C2orf74: variants seen among roughly 807,000 people sequenced by gnomAD.
C2orf74 encodes the protein uncharacterized protein C2orf74.
Under a neutral mutation model 17.9 loss-of-function variants are expected in C2orf74, and 14 were observed. The observed-to-expected ratio is 0.78, with a 90% CI of 0.52 to 1.22. The LOEUF (loss-of-function observed/expected upper bound fraction) is 1.22, where lower values mean the gene tolerates loss of function less well. C2orf74 is among the 50% of genes most tolerant of loss of function. The pLI is 0.00. For missense variants in C2orf74, 217 were observed against 218.4 expected, an observed-to-expected ratio of 0.99 and a Z score of 0.04; for synonymous variants, 79 against 72.6, an observed-to-expected ratio of 1.09 and a Z score of -0.44.
chr2:61,158,618 G>A (rs924305139), upstream of C2orf74, among the ~76,000 whole-genome samples: 2 of 152,182 alleles, frequency 1.3e-5, no homozygotes, highest in African/African-American at 2.4e-5. Flanking sequence ...GAGGTGAACA[G>A]GAGATGAAGG....
chr2:61,156,271 C>G (rs2103627974), intron 1 of C2orf74, among the ~76,000 whole-genome samples: 1 of 152,094 alleles, frequency 6.6e-6, no homozygotes, highest in East Asian at 1.9e-4. Context: ...GGTTCTGTGG[C>G]TCATGCCTAT....
upstream of C2orf74, chr2:61,162,152 G>C: frequency 4.3e-6 from 1 of 231,716 alleles, no homozygotes; most frequent in Non-Finnish European, 8.5e-6. Context: ...ACTGACGAGA[G>C]AAGAATGGGG....
At chr2:61,155,396 C>T (rs1023913685) in intron 1 of C2orf74, among the ~76,000 whole-genome samples, 1 of 152,166 alleles carries the variant, frequency 6.6e-6, no homozygotes, top group Non-Finnish European at 1.5e-5. Context: ...CTCACCTCCA[C>T]ATCCCCCCAA....
chr2:61,159,722 T>C (rs530223373), upstream of C2orf74, among the ~76,000 whole-genome samples: 2 of 152,358 alleles, frequency 1.3e-5, no homozygotes, highest in East Asian at 3.9e-4. Context: ...TATGTGCTGG[T>C]GGTTTTGGTT....
chr2:61,157,557 C>A (rs1685428618), upstream of C2orf74, among the ~76,000 whole-genome samples: 1 of 152,178 alleles, frequency 6.6e-6, no homozygotes, highest in Non-Finnish European at 1.5e-5. Context: ...AGTCCAGCTT[C>A]CTGTCCACAC....
intron 1 of C2orf74, among the ~76,000 whole-genome samples, chr2:61,147,258 A>G (rs1685099782): frequency 6.6e-6 from 1 of 150,572 alleles, no homozygotes; most frequent in African/African-American, 2.4e-5. Flanking sequence ...TCTGTTGCCG[A>G]GACTGCACAA....
At chr2:61,162,384 A>T (rs1329466974) in intron 1 of C2orf74, 32 bp from the exon 2 acceptor site, 1 of 711,834 alleles carries the variant, frequency 1.4e-6, no homozygotes, top group Non-Finnish European at 2.4e-6. Flanking sequence ...AAGAACAACA[A>T]AGAAAACAGC....
chr2:61,149,869 G>A lies in C2orf74; in HGVS notation c.-122+4673G>A, dbSNP rs552848708. 3.3e-5 allele frequency among the ~76,000 whole-genome samples: 5 copies of A among 152,210 alleles called. No individual in the cohort carries two copies. The East Asian group carries it at 9.7e-4, about 29-fold the overall frequency. On this transcript the variant is annotated intron_variant, in intron 1 of 3. Coordinates refer to the C2orf74 transcript ENST00000426997. ...GCTGGGATTACAAGCATGAGCCACC[G>A]CACGTAGATGATACCGGGTTTCTTG...
At chr2:61,145,509 C>T (rs1685042086) in intron 1 of C2orf74, among the ~76,000 whole-genome samples, 1 of 152,108 alleles carries the variant, frequency 6.6e-6, no homozygotes, top group South Asian at 2.1e-4. Flanking sequence ...CTGCACCCTC[C>T]GCTGCCCGGG....
intron 1 of C2orf74, among the ~76,000 whole-genome samples, chr2:61,147,799 G>T (rs1178343595): frequency 1.3e-5 from 2 of 151,934 alleles, no homozygotes; most frequent in African/African-American, 2.4e-5. Flanking sequence ...ACTGAATCTT[G>T]CTCTGTCGCC....
upstream of C2orf74, chr2:61,157,945 G>C: frequency 2.1e-6 from 1 of 471,278 alleles, no homozygotes; most frequent in Non-Finnish European, 4.4e-6. Flanking sequence ...AGCCCAAGTT[G>C]CTGCAGATCC....
chr2:61,156,030 T>A (rs775748960), intron 1 of C2orf74, among the ~76,000 whole-genome samples: 8 of 151,536 alleles, frequency 5.3e-5, no homozygotes, highest in Admixed American at 5.3e-4. Context: ...AGACCGTGTC[T>A]CTACAAAAAA....
chr2:61,148,860 G>GCA (rs1217739077), intron 1 of C2orf74, among the ~76,000 whole-genome samples: 1 of 152,146 alleles, frequency 6.6e-6, no homozygotes, highest in East Asian at 1.9e-4. Flanking sequence ...GGGATTACAG[G>GCA]TGCACAACAC....
intron 1 of C2orf74, 44 bp from the exon 2 acceptor site, chr2:61,162,372 A>C: frequency 3.0e-6 from 2 of 669,738 alleles, no homozygotes; most frequent in East Asian, 5.4e-5. Flanking sequence ...TGAACTGACC[A>C]AAAGAACAAC....
intron 1 of C2orf74, among the ~76,000 whole-genome samples, chr2:61,156,796 G>A (rs1283118019): frequency 6.6e-6 from 1 of 152,136 alleles, no homozygotes; most frequent in African/African-American, 2.4e-5. Context: ...AAGGCAGGAG[G>A]ATTGCTTGAG....
chr2:61,159,227 A>T (rs976677999), upstream of C2orf74: 35 of 315,298 alleles, frequency 1.1e-4, no homozygotes, highest in African/African-American at 6.3e-4. Context: ...CAATCTCCTG[A>T]CCTTGTGATC....
At chr2:61,161,366 C>A (rs1165258958), upstream of C2orf74, among the ~76,000 whole-genome samples, 1 of 152,176 alleles carries the variant, frequency 6.6e-6, no homozygotes, top group African/African-American at 2.4e-5. Flanking sequence ...TTGTAGGATT[C>A]TCACATATGG....
At chr2:61,159,295 C>T, upstream of C2orf74, 3 of 342,010 alleles carry the variant, frequency 8.8e-6, no homozygotes, top group Middle Eastern at 1.1e-3. Context: ...CACACCCAGC[C>T]TTTTTTTTTT....
At position 61,146,846 on chromosome 2, in the gene C2orf74, A is replaced by AT. The variant is rs577076787; in HGVS notation, c.-122+1650_-122+1651insT. ...GAGCAAGACTTCGTCTCAAAAAAAA[A>AT]AACAAAAAACAAAAAAACTGGAGGC... On this transcript the variant is annotated intron_variant, in intron 1 of 3. Coordinates refer to the C2orf74 transcript ENST00000426997. Among the ~76,000 whole-genome samples, 9 of 151,946 alleles carry AT rather than the reference A, an allele frequency of 5.9e-5. No individual in the cohort carries two copies. The South Asian group carries it at 1.9e-3, about 32-fold the overall frequency.
Sources: gnomAD v4.1 joint callset for allele counts (sites outside exome capture counted in the v4.1 genomes callset) on GRCh38, gnomAD v4.1.1 for gene constraint, MANE v1.5 for transcripts, NCBI Gene and HGNC (gene_info 2026-07-23, HGNC 2026-07-21) for gene names.